MAPK4: variants seen among roughly 807,000 people sequenced by gnomAD.
MAPK4 encodes the protein Erk3-related.
In MAPK4, 22 loss-of-function variants were observed where a neutral mutation model predicts 47.7. The ratio of observed to expected loss-of-function variants is 0.46; its 90% confidence interval spans 0.33 to 0.66. The LOEUF is 0.66. Among genes scored for constraint, MAPK4 ranks in the 30% least tolerant of loss-of-function variants. The probability of loss-of-function intolerance (pLI) is 0.02; values close to 1 mark genes in which losing one functional copy is unlikely to be tolerated. For synonymous variants in MAPK4, 390 were observed against 365.7 expected, an observed-to-expected ratio of 1.07 and a Z score of -0.76; for missense variants, 736 against 831.7, an observed-to-expected ratio of 0.88 and a Z score of 1.42.
chr18:50,659,790 A>C (rs1393637097), intron 1 of MAPK4, among the ~76,000 whole-genome samples: 11 of 152,166 alleles, frequency 7.2e-5, no homozygotes, highest in Non-Finnish European at 1.6e-4. Flanking sequence ...GGTGTCATTC[A>C]AGCACGATTG....
At chr18:50,641,864 A>G (rs1387232162) in intron 1 of MAPK4, among the ~76,000 whole-genome samples, 3 of 152,214 alleles carry the variant, frequency 2.0e-5, no homozygotes, top group Non-Finnish European at 4.4e-5. Context: ...ATAATTCTGT[A>G]TCTATCTTGT....
At chr18:50,584,144 T>G (rs960368246) in intron 1 of MAPK4, among the ~76,000 whole-genome samples, 8 of 152,204 alleles carry the variant, frequency 5.3e-5, no homozygotes, top group African/African-American at 1.9e-4. Context: ...TAAAAACCAA[T>G]GTGTTTATCG....
chr18:50,691,702 T>G (rs1909225575), intron 2 of MAPK4, among the ~76,000 whole-genome samples: 1 of 152,218 alleles, frequency 6.6e-6, no homozygotes, highest in African/African-American at 2.4e-5. Flanking sequence ...GAGAATTCCT[T>G]TGCAAAATAG....
At chr18:50,630,928 G>A (rs544111040) in intron 1 of MAPK4, among the ~76,000 whole-genome samples, 3 of 152,186 alleles carry the variant, frequency 2.0e-5, no homozygotes, top group Admixed American at 6.5e-5. Flanking sequence ...GCCTTTCTCC[G>A]ACCAAGGTAC....
Position 50,730,114 on chromosome 18 carries a change from AC to A in MAPK4, c.*261del. 1 of 361,972 alleles carries A rather than the reference AC, an allele frequency of 2.8e-6. No homozygotes were observed. Among genetic ancestry groups the A allele is most frequent in the Non-Finnish European group, 5.0e-6 (1 of 201,138 alleles). The allele number at this position is 361,972 out of a possible 1,614,324, so 22.4% of individuals were successfully genotyped here. A position where few individuals can be genotyped will look rare whatever the true frequency, so the allele number is the denominator to read the frequency against. On this transcript the variant is annotated 3_prime_UTR_variant, in exon 6 of 6. Transcript: ENST00000400384. The stretch of plus-strand genomic sequence containing the variant: ...GCAAAGGGGAGACCACATGTGGTGC[AC>A]AGGGAAGAAACGGCTTTAGACAGCA...
chr18:50,626,697 G>A (rs1035223088), intron 1 of MAPK4, among the ~76,000 whole-genome samples: 1 of 152,006 alleles, frequency 6.6e-6, no homozygotes, highest in African/African-American at 2.4e-5. Flanking sequence ...GGCCCTTCAG[G>A]CTCCCAGGAA....
At chr18:50,620,841 T>C (rs1272353565) in intron 1 of MAPK4, among the ~76,000 whole-genome samples, 1 of 152,186 alleles carries the variant, frequency 6.6e-6, no homozygotes, top group African/African-American at 2.4e-5. Flanking sequence ...CAGAGCTCCA[T>C]CAAACCATCT....
At chr18:50,600,675 G>A (rs1384555644) in intron 1 of MAPK4, among the ~76,000 whole-genome samples, 1 of 152,024 alleles carries the variant, frequency 6.6e-6, no homozygotes, top group Non-Finnish European at 1.5e-5. Flanking sequence ...TGTACTTTCT[G>A]TTTTAAGTTC....
chr18:50,672,549 G>A (rs1312751841), intron 2 of MAPK4, among the ~76,000 whole-genome samples: 1 of 152,122 alleles, frequency 6.6e-6, no homozygotes, highest in Non-Finnish European at 1.5e-5. Context: ...ATCCCGAGAA[G>A]AGGCTCTTCC....
intron 1 of MAPK4, among the ~76,000 whole-genome samples, chr18:50,603,434 C>T (rs1036823399): frequency 3.3e-5 from 5 of 152,160 alleles, no homozygotes; most frequent in Admixed American, 3.3e-4. Flanking sequence ...CCTGCGTGTG[C>T]CCTGCCCTCC....
At chr18:50,715,549 A>C (rs1454897860) in intron 3 of MAPK4, among the ~76,000 whole-genome samples, 3 of 152,066 alleles carry the variant, frequency 2.0e-5, no homozygotes, top group Non-Finnish European at 4.4e-5. Flanking sequence ...GAGCCTTTGG[A>C]AGGTGATTAG....
At chr18:50,723,060 T>A (rs990736998) in intron 4 of MAPK4, among the ~76,000 whole-genome samples, 1 of 152,322 alleles carries the variant, frequency 6.6e-6, no homozygotes, top group Admixed American at 6.5e-5. Context: ...GTGAAGCTTG[T>A]ACAGTAGCAG....
chr18:50,663,430 A>G lies in MAPK4; in HGVS notation c.-529A>G, dbSNP rs879080074. ...CAGAATTCATTGATGGGATCCCTGCATACTGCTTGGAACACAGAAAGAGGC... is the reference window on the plus strand; with the variant it reads ...CAGAATTCATTGATGGGATCCCTGCGTACTGCTTGGAACACAGAAAGAGGC... On this transcript the variant is annotated 5_prime_UTR_variant, in exon 2 of 6. Transcript: ENST00000400384. 1 of 152,458 alleles carries G rather than the reference A, an allele frequency of 6.6e-6. No individual in the cohort carries two copies. Among genetic ancestry groups the G allele is most frequent in the South Asian group, 2.1e-4 (1 of 4,844 alleles). The allele number at this position is 152,458 out of a possible 1,614,324, so 9.4% of individuals were successfully genotyped here. A position where few individuals can be genotyped will look rare whatever the true frequency, so the allele number is the denominator to read the frequency against.
chr18:50,665,690 C>T (rs988580045), intron 2 of MAPK4, among the ~76,000 whole-genome samples: 2 of 152,200 alleles, frequency 1.3e-5, no homozygotes, highest in Admixed American at 1.3e-4. Context: ...CCCTCCCTGG[C>T]TGGAACTTGG....
At position 50,729,742 on chromosome 18, in the gene MAPK4, C is replaced by A; in HGVS notation, c.1652C>A (p.Thr551Asn). The change falls in exon 6 of 6, where the codon ACC becomes AAC. Residue 551 changes from threonine (T) to asparagine (N), a missense_variant. This residue lies in a region of MAPK4 where 377 missense variants were observed against 378.6 expected (regional missense o/e 1.00). Transcript: ENST00000400384. ...VFISRALKLC[T>N]KPEDLPDNKL... ...ATCTCCCGCGCCCTGAAGCTCTGCA[C>A]CAAGCCCGAGGACCTGCCGGACAAT... 6.2e-7 allele frequency: 1 copy of A among 1,602,982 alleles called. No individual in the cohort carries two copies. The highest frequency in any genetic ancestry group is 8.5e-7 in the Non-Finnish European group (1 of 1,176,098).
At chr18:50,677,643 C>T (rs1260879891) in intron 2 of MAPK4, among the ~76,000 whole-genome samples, 3 of 152,040 alleles carry the variant, frequency 2.0e-5, no homozygotes, top group Non-Finnish European at 4.4e-5. Flanking sequence ...GACTCCATCT[C>T]CCAAGCAATC....
Position 50,678,811 on chromosome 18 carries a change from A to T in MAPK4, c.546+14307A>T, listed in dbSNP as rs1479332354. 3.9e-5 allele frequency among the ~76,000 whole-genome samples: 6 copies of T among 152,142 alleles called. No individual in the cohort carries two copies. The highest frequency in any genetic ancestry group is 1.4e-4 in the African/African-American group (6 of 41,432). On this transcript the variant is annotated intron_variant, in intron 2 of 5. Transcript: ENST00000400384. This position sits in a 1 kb window ranked among gnomAD's most constrained non-coding sequence, Gnocchi z 4.2. ...TGTTTTCTGGGTGAAGGCAGCAGGAAAGGGGGAGCCATTCCTTGCCCTCCC... is the reference window on the plus strand; with the variant it reads ...TGTTTTCTGGGTGAAGGCAGCAGGATAGGGGGAGCCATTCCTTGCCCTCCC...
intron 1 of MAPK4, among the ~76,000 whole-genome samples, chr18:50,597,474 T>C (rs1204667698): frequency 6.6e-6 from 1 of 152,208 alleles, no homozygotes; most frequent in Non-Finnish European, 1.5e-5. Context: ...AGGTTTCTGG[T>C]TTTACATCCC....
At chr18:50,580,624 AAGCTTGCCCT>A (rs2042335141) in intron 1 of MAPK4, among the ~76,000 whole-genome samples, 1 of 152,152 alleles carries the variant, frequency 6.6e-6, no homozygotes, top group Non-Finnish European at 1.5e-5. Flanking sequence ...TTTCTGAGCG[AAGCTTGCCCT>A]ACAGTGGGAA....
Sources: allele counts gnomAD v4.1 joint callset (sites outside exome capture counted in the v4.1 genomes callset), GRCh38; gene constraint gnomAD v4.1.1; regional missense constraint gnomAD v4.1.1; non-coding constraint Gnocchi (gnomAD v3.1); transcripts MANE v1.5; gene names NCBI Gene and HGNC (gene_info 2026-07-23, HGNC 2026-07-21).